The following GPAM variants were observed in gnomAD, a reference collection of about 807,000 sequenced individuals.
GPAM encodes the protein glycerol-3-phosphate acyltransferase, mitochondrial.
In GPAM, 56 loss-of-function variants were observed where a neutral mutation model predicts 105.0. That is an observed-to-expected ratio of 0.53 (90% confidence interval 0.43 to 0.67). The LOEUF (loss-of-function observed/expected upper bound fraction) is 0.67. Among genes scored for constraint, GPAM ranks in the 30% least tolerant of loss-of-function variants. The probability of loss-of-function intolerance (pLI) is 0.00; values close to 1 mark genes in which losing one functional copy is unlikely to be tolerated. For missense variants in GPAM, 855 were observed against 989.8 expected, an observed-to-expected ratio of 0.86 and a Z score of 1.83; for synonymous variants, 368 against 354.4, an observed-to-expected ratio of 1.04 and a Z score of -0.43.
chr10:112,200,534 C>T (rs930168215), intron 1 of GPAM, among the ~76,000 whole-genome samples: 2 of 152,150 alleles, frequency 1.3e-5, no homozygotes, highest in African/African-American at 4.8e-5. Flanking sequence ...TCAAGGGATC[C>T]TCCTGCCTTG....
intron 3 of GPAM, 65 bp from the exon 4 acceptor site, chr10:112,180,660 C>A: frequency 7.0e-7 from 1 of 1,423,256 alleles, no homozygotes; most frequent in South Asian, 1.2e-5. Context: ...TACTTGATCT[C>A]AAAATCTAAA....
intron 18 of GPAM, among the ~76,000 whole-genome samples, chr10:112,157,772 C>T (rs1589578171): frequency 6.6e-6 from 1 of 152,218 alleles, no homozygotes; most frequent in East Asian, 1.9e-4. Flanking sequence ...CTCAACTTAG[C>T]ATACAAACTT....
chr10:112,212,903 C>T (rs772186752), intron 1 of GPAM, among the ~76,000 whole-genome samples: 7 of 152,188 alleles, frequency 4.6e-5, no homozygotes, highest in East Asian at 1.9e-4. Context: ...GCTGGAAAAA[C>T]GATTTGGAGC....
intron 12 of GPAM, among the ~76,000 whole-genome samples, chr10:112,166,160 A>T (rs149811513): frequency 2.4e-4 from 36 of 152,334 alleles, no homozygotes; most frequent in East Asian, 7.7e-4. Flanking sequence ...AATTAAAAAA[A>T]AATAATAATA....
intron 19 of GPAM, 36 bp downstream of exon 19, chr10:112,157,213 C>T (rs1296084899): frequency 1.9e-6 from 3 of 1,588,032 alleles, no homozygotes; most frequent in Non-Finnish European, 2.6e-6. Flanking sequence ...CTCAACATAT[C>T]CCTGTAATAT....
At position 112,151,181 on chromosome 10, in the gene GPAM, C is replaced by A. The variant is rs561923065; in HGVS notation, c.*2369G>T. ...GCATGCATTTCATGTTACAGAAATG[C>A]GATAGAGTAAACTGTAATAAATTAT... On this transcript the variant is annotated 3_prime_UTR_variant, in exon 22 of 22. Transcript: ENST00000348367. 4.1e-6 allele frequency: 4 copies of A among 982,528 alleles called. No homozygotes were observed. Among genetic ancestry groups the A allele is most frequent in the South Asian group, 4.7e-5 (1 of 21,194 alleles). 60.9% of individuals were successfully genotyped at this position (982,528 alleles called of 1,614,324 possible). A position where few individuals can be genotyped will look rare whatever the true frequency, so the allele number is the denominator to read the frequency against.
In GPAM at chr10:112,151,550, T is replaced by C. The variant is rs752075688; in HGVS notation, c.*2000A>G. 2.9e-5 allele frequency: 29 copies of C among 985,640 alleles called. No homozygotes were observed. The highest frequency in any genetic ancestry group is 4.7e-5 in the South Asian group (1 of 21,290). The allele number at this position is 985,640 out of a possible 1,614,324, so 61.1% of individuals were successfully genotyped here. A position where few individuals can be genotyped will look rare whatever the true frequency, so the allele number is the denominator to read the frequency against. On this transcript the variant is annotated 3_prime_UTR_variant, in exon 22 of 22. Transcript: ENST00000348367. ...CATACATTGCATTCCCCAAAGCATC[T>C]GAACGTACTTCTAGAAAACAAACCA...
chr10:112,158,122 G>T (rs1847050040), intron 18 of GPAM, among the ~76,000 whole-genome samples, 194 bp downstream of exon 18: 1 of 152,114 alleles, frequency 6.6e-6, no homozygotes, highest in Non-Finnish European at 1.5e-5. Context: ...GGAAAGACAG[G>T]GTTGTGCCAT....
rs1846951568 is a variant in GPAM at position 112,153,228 on chromosome 10, T to C, written c.*322A>G. ...ACATTTCTGTGTCCATCACAGTAAT[T>C]AGTCCTTAAAAGTTGTACTTAAAAT... On this transcript the variant is annotated 3_prime_UTR_variant, in exon 22 of 22. Transcript: ENST00000348367. 2.6e-6 allele frequency: 3 copies of C among 1,172,838 alleles called. No individual in the cohort carries two copies. In the East Asian group the frequency reaches 1.6e-4, roughly 63 times the overall value. 72.7% of individuals were successfully genotyped at this position (1,172,838 alleles called of 1,614,324 possible).
intron 1 of GPAM, among the ~76,000 whole-genome samples, chr10:112,207,818 T>G (rs1398458333): frequency 6.6e-6 from 1 of 152,168 alleles, no homozygotes; most frequent in Non-Finnish European, 1.5e-5. Flanking sequence ...AACCCAAGCA[T>G]GAGAGTCTCT....
At chr10:112,160,490 C>T in intron 16 of GPAM, 114 bp downstream of exon 16, 9 of 1,236,456 alleles carry the variant, frequency 7.3e-6, no homozygotes, top group Non-Finnish European at 1.0e-5. Flanking sequence ...AAAATTATAG[C>T]CACATTCCCT....
chr10:112,214,237 A>G (rs1439998914), intron 1 of GPAM: 1 of 152,246 alleles, frequency 6.6e-6, no homozygotes, highest in Non-Finnish European at 1.5e-5. Flanking sequence ...CAAAGAGTGG[A>G]GAGAGGAAAT....
intron 21 of GPAM, 50 bp from the exon 22 acceptor site, chr10:112,153,716 A>C (rs1387910612): frequency 2.5e-6 from 4 of 1,595,118 alleles, no homozygotes; most frequent in Non-Finnish European, 3.4e-6. Flanking sequence ...AAAAATAAAA[A>C]AAATTTCCAT....
intron 2 of GPAM, 38 bp from the exon 3 acceptor site, chr10:112,181,851 C>T: frequency 1.1e-6 from 1 of 904,266 alleles, no homozygotes; most frequent in South Asian, 1.3e-5. Context: ...AACAAGGAAT[C>T]GAGAGAGTAA....
chr10:112,184,862 C>G (rs11195837), upstream of GPAM, among the ~76,000 whole-genome samples: 2,974 of 152,166 alleles, frequency 0.02, 52 homozygotes, highest in Non-Finnish European at 0.032. Context: ...CAACAGATCT[C>G]ACTCCAGTCT....
chr10:112,221,147 T>A, the GPAM span, among the ~76,000 whole-genome samples: 4 of 152,312 alleles, frequency 2.6e-5, no homozygotes, highest in South Asian at 4.2e-4. Context: ...CCATTTTTTT[T>A]AATTTGGTAA....
chr10:112,180,330 C>G (rs1185133838), intron 4 of GPAM, 143 bp downstream of exon 4: 6 of 756,908 alleles, frequency 7.9e-6, no homozygotes. Context: ...AAAAGTGTGT[C>G]AACATCTTTA....
At chr10:112,155,671 A>T in intron 20 of GPAM, 193 bp downstream of exon 20, 1 of 506,700 alleles carries the variant, frequency 2.0e-6, no homozygotes, top group Non-Finnish European at 3.5e-6. Context: ...ACGTTACGTG[A>T]AAAAAGCCAG....
intron 1 of GPAM, among the ~76,000 whole-genome samples, chr10:112,197,564 G>A (rs918139899): frequency 6.8e-6 from 1 of 147,998 alleles, no homozygotes; most frequent in African/African-American, 2.5e-5. Context: ...GTATACATGT[G>A]CCATGCTGGT....
Sources: allele counts gnomAD v4.1 joint callset (sites outside exome capture counted in the v4.1 genomes callset), GRCh38; gene constraint gnomAD v4.1.1; transcripts MANE v1.5; gene names NCBI Gene and HGNC (gene_info 2026-07-23, HGNC 2026-07-21).